The following SLC2A13 variants were observed in gnomAD, a reference collection of about 807,000 sequenced individuals.
SLC2A13 encodes the protein proton myo-inositol cotransporter.
In SLC2A13, 32 loss-of-function variants were observed where a neutral mutation model predicts 64.4. That is an observed-to-expected ratio of 0.50 (90% CI 0.37 to 0.67). The LOEUF is 0.67. Among genes scored for constraint, SLC2A13 ranks in the 30% least tolerant of loss-of-function variants. SLC2A13 has a pLI of 0.00. For synonymous variants in SLC2A13, 338 were observed against 327.1 expected (o/e 1.03, Z -0.36); for missense variants, 743 against 829.2 (o/e 0.90, Z 1.28).
At chr12:39,950,653 T>G (rs1351079394) in intron 4 of SLC2A13, 2 of 152,244 alleles carry the variant, frequency 1.3e-5, no homozygotes, top group African/African-American at 4.8e-5. Flanking sequence ...TAATACTGAA[T>G]GAGGGAAACC....
At chr12:39,990,863 TACTC>T (rs1947125095) in intron 3 of SLC2A13, among the ~76,000 whole-genome samples, 1 of 152,168 alleles carries the variant, frequency 6.6e-6, no homozygotes, top group Non-Finnish European at 1.5e-5. Flanking sequence ...CACAAACACA[TACTC>T]AAATTAGTCT....
At chr12:40,050,610 C>T (rs993547809) in intron 1 of SLC2A13, among the ~76,000 whole-genome samples, 3 of 152,160 alleles carry the variant, frequency 2.0e-5, no homozygotes, top group African/African-American at 4.8e-5. Context: ...TTATTTAATC[C>T]TCAGGATATC....
chr12:39,798,661 C>T (rs1941664345), intron 7 of SLC2A13, among the ~76,000 whole-genome samples: 4 of 152,186 alleles, frequency 2.6e-5, no homozygotes, highest in Admixed American at 6.5e-5. Flanking sequence ...CTGGAACAGC[C>T]CGGGCTAGTG....
rs1446560256 is a variant in SLC2A13, at chr12:39,960,964, C to A, written c.926-9599G>T. Among the ~76,000 whole-genome samples, 4 of 151,526 alleles carry A rather than the reference C, an allele frequency of 2.6e-5. No homozygotes were observed. In the East Asian group the frequency reaches 7.8e-4, roughly 30 times the overall value. On this transcript the variant is annotated intron_variant, in intron 3 of 9. Transcript: ENST00000280871. ...GTTTCACCACGTTGGCCATGCTGGTCTCGAACTCCCGACCTTCAGTGATCC... is the reference window on the plus strand; with the variant it reads ...GTTTCACCACGTTGGCCATGCTGGTATCGAACTCCCGACCTTCAGTGATCC...
At chr12:39,925,913 G>A (rs1945720108) in intron 4 of SLC2A13, among the ~76,000 whole-genome samples, 1 of 152,042 alleles carries the variant, frequency 6.6e-6, no homozygotes, top group Admixed American at 6.6e-5. Context: ...TTCCTTCTTT[G>A]TCTAAGTTAT....
chr12:39,942,691 C>T (rs574882245), intron 4 of SLC2A13, among the ~76,000 whole-genome samples: 2 of 152,118 alleles, frequency 1.3e-5, no homozygotes, highest in Admixed American at 6.6e-5. Flanking sequence ...TTCCTTGCAT[C>T]GGGTGAGAAC....
At chr12:39,854,073 C>G (rs1943540134) in intron 6 of SLC2A13, among the ~76,000 whole-genome samples, 1 of 151,476 alleles carries the variant, frequency 6.6e-6, no homozygotes, top group South Asian at 2.1e-4. Flanking sequence ...CTACAATATT[C>G]ACAGGCTTTG....
At chr12:39,900,366 G>T (rs1945057800) in intron 4 of SLC2A13, among the ~76,000 whole-genome samples, 1 of 152,188 alleles carries the variant, frequency 6.6e-6, no homozygotes, top group Admixed American at 6.6e-5. Context: ...AGAAATAAAG[G>T]GGATTATATT....
In SLC2A13 at chr12:39,971,997, A is replaced by AT. The variant is rs1555144633; in HGVS notation, c.926-20633_926-20632insA. On this transcript the variant is annotated intron_variant, in intron 3 of 9. Transcript: ENST00000280871. ...GAGTGTCTCCAGAAAAAAAAAAAAA[A>AT]ATATATATATATATATATTTTTTTT... 9.3e-3 allele frequency among the ~76,000 whole-genome samples: 722 copies of AT among 77,308 alleles called. 6 individuals carry two copies. The highest frequency in any genetic ancestry group is 0.02 in the African/African-American group (406 of 20,634). 50.7% of individuals were successfully genotyped at this position (77,308 alleles called of 152,430 possible).
At chr12:39,760,660 G>C (rs766024026) in intron 9 of SLC2A13, among the ~76,000 whole-genome samples, 7 of 151,888 alleles carry the variant, frequency 4.6e-5, no homozygotes, top group Non-Finnish European at 1.0e-4. Context: ...GGCACTTTGA[G>C]GTCAGAAGAA....
intron 6 of SLC2A13, among the ~76,000 whole-genome samples, chr12:39,855,221 C>T (rs1943576517): frequency 6.6e-6 from 1 of 152,196 alleles, no homozygotes; most frequent in East Asian, 1.9e-4. Context: ...TATTTAATAA[C>T]TTTATTTTTT....
At chr12:39,784,999 C>T (rs1438535407) in intron 7 of SLC2A13, among the ~76,000 whole-genome samples, 2 of 152,132 alleles carry the variant, frequency 1.3e-5, no homozygotes, top group African/African-American at 2.4e-5. Context: ...GGAAACAGAA[C>T]ATAAAAGTTA....
intron 2 of SLC2A13, among the ~76,000 whole-genome samples, chr12:40,033,767 T>A (rs17442074): frequency 0.018 from 2,724 of 152,116 alleles, 27 homozygotes; most frequent in Middle Eastern, 0.041. Flanking sequence ...TAGGTATTTT[T>A]AAAAAAAACC....
chr12:39,910,999 G>A (rs769765843), intron 4 of SLC2A13, among the ~76,000 whole-genome samples: 13 of 152,040 alleles, frequency 8.6e-5, no homozygotes, highest in East Asian at 3.9e-4. Context: ...CAAGAGAATC[G>A]CTGGAACCTG....
intron 3 of SLC2A13, among the ~76,000 whole-genome samples, chr12:39,965,458 G>A (rs1026505462): frequency 4.6e-5 from 7 of 152,242 alleles, no homozygotes; most frequent in African/African-American, 1.4e-4. Context: ...CAGTGAAAGA[G>A]CCTGAGTAAT....
At chr12:39,983,743 A>AG (rs1401935379) in intron 3 of SLC2A13, among the ~76,000 whole-genome samples, 1 of 88,092 alleles carries the variant, frequency 1.1e-5, no homozygotes, top group Non-Finnish European at 2.3e-5. Context: ...ACTGTAAACT[A>AG]GTTCAACCAT....
At chr12:40,045,833 T>A (rs1240799353) in intron 2 of SLC2A13, among the ~76,000 whole-genome samples, 1 of 152,182 alleles carries the variant, frequency 6.6e-6, no homozygotes, top group East Asian at 1.9e-4. Context: ...TACTTGGAAA[T>A]CATGTGTTGT....
At chr12:40,088,092 G>A (rs3925535) in intron 1 of SLC2A13, among the ~76,000 whole-genome samples, 55,682 of 151,938 alleles carry the variant, frequency 0.37, 10,384 homozygotes, top group Non-Finnish European at 0.4. Flanking sequence ...TGTGAGACAG[G>A]TTTTCTTCAA....
chr12:39,816,204 T>C (rs1942335557), intron 7 of SLC2A13, among the ~76,000 whole-genome samples: 1 of 152,154 alleles, frequency 6.6e-6, no homozygotes, highest in Non-Finnish European at 1.5e-5. Context: ...GATTCTCAAA[T>C]TAGCACAGGT....
Sources: allele counts gnomAD v4.1 joint callset (sites outside exome capture counted in the v4.1 genomes callset), GRCh38; gene constraint gnomAD v4.1.1; transcripts MANE v1.5; gene names NCBI Gene and HGNC (gene_info 2026-07-23, HGNC 2026-07-21).